The following SH3RF2 variants were observed in gnomAD, a reference collection of about 807,000 sequenced individuals.
SH3RF2 encodes E3 ubiquitin-protein ligase SH3RF2.
In SH3RF2, 43 loss-of-function variants were observed where a neutral mutation model predicts 59.0. The observed-to-expected ratio is 0.73, with a 90% CI of 0.57 to 0.94. SH3RF2 has a LOEUF of 0.94. SH3RF2 is among the 40% of genes least tolerant of loss of function. The probability of loss-of-function intolerance (pLI) is 0.00; values close to 1 mark genes in which losing one functional copy is unlikely to be tolerated. For missense variants in SH3RF2, 930 were observed against 940.1 expected (o/e 0.99, Z 0.14); for synonymous variants, 391 against 391.5 (o/e 1.00, Z 0.01).
chr5:145,961,121 C>T (rs1263273545), intron 2 of SH3RF2, among the ~76,000 whole-genome samples: 2 of 149,870 alleles, frequency 1.3e-5, no homozygotes, highest in East Asian at 1.9e-4. Flanking sequence ...AAATTGATAA[C>T]GTTCTTGAAG....
At chr5:145,967,629 T>C (rs370487241) in intron 2 of SH3RF2, among the ~76,000 whole-genome samples, 2 of 152,172 alleles carry the variant, frequency 1.3e-5, no homozygotes, top group East Asian at 1.9e-4. Flanking sequence ...ACTCCGAAGC[T>C]GAATTTATGG....
At chr5:146,056,787 T>C (rs1452899110) in intron 8 of SH3RF2, among the ~76,000 whole-genome samples, 3 of 152,230 alleles carry the variant, frequency 2.0e-5, no homozygotes, top group Non-Finnish European at 2.9e-5. Flanking sequence ...CTTCCATAGA[T>C]AGACAGATGG....
chr5:145,964,707 G>A (rs2149957054), intron 2 of SH3RF2, among the ~76,000 whole-genome samples: 1 of 152,254 alleles, frequency 6.6e-6, no homozygotes, highest in Middle Eastern at 3.4e-3. Flanking sequence ...AGGTGAGCAG[G>A]CTGTAGAGAT....
intron 6 of SH3RF2, among the ~76,000 whole-genome samples, chr5:146,048,357 C>G (rs144562253): frequency 1.3e-5 from 2 of 151,660 alleles, no homozygotes; most frequent in Admixed American, 6.6e-5. Flanking sequence ...CCACATCACT[C>G]TTAGCTCATT....
intron 5 of SH3RF2, among the ~76,000 whole-genome samples, chr5:146,038,983 G>C (rs1467526936): frequency 3.9e-5 from 6 of 152,140 alleles, no homozygotes; most frequent in Non-Finnish European, 7.3e-5. Context: ...TAAACCAATG[G>C]AACATGCTGG....
chr5:145,966,748 G>A lies in SH3RF2; in HGVS notation c.378+28442G>A, dbSNP rs556649483. Among the ~76,000 whole-genome samples, 73 of 152,300 alleles carry A rather than the reference G, an allele frequency of 4.8e-4. 1 individual carries two copies. The South Asian group carries it at 0.012, about 25-fold the overall frequency. On this transcript the variant is annotated intron_variant, in intron 2 of 9. Coordinates refer to ENST00000359120, the MANE Select transcript of SH3RF2 (RefSeq NM_152550.4). ...ATATAATTACTTTATAAGGCTGGGC[G>A]TGGTGATTCATGCCTGTAATCCCAG... is the stretch of plus-strand genomic sequence containing the variant.
chr5:145,938,111 G>A lies in SH3RF2; in HGVS notation c.183G>A (p.Glu61=). ...GGACGCCTGTGTTTTCCAACATTGA[G>A]GCGCTGCCGGCCAACCTGCTGCTCG... The part of the protein sequence containing the change: ...ECRTPVFSNI[E]ALPANLLLVR... The change falls in exon 2 of 10, where the codon GAG becomes GAA. Residue 61 remains glutamate (E), a synonymous_variant. Coordinates refer to ENST00000359120, the MANE Select transcript of SH3RF2 (RefSeq NM_152550.4). 1.2e-6 allele frequency: 2 copies of A among 1,614,202 alleles called. No homozygotes were observed. Among genetic ancestry groups the A allele is most frequent in the African/African-American group, 2.7e-5 (2 of 75,062 alleles).
At chr5:145,961,834 C>A (rs2149954414) in intron 2 of SH3RF2, among the ~76,000 whole-genome samples, 1 of 152,262 alleles carries the variant, frequency 6.6e-6, no homozygotes, top group Non-Finnish European at 1.5e-5. Flanking sequence ...ATTCCTCTTC[C>A]AACTGGCTTA....
At chr5:146,004,583 T>C (rs1039246170) in intron 4 of SH3RF2, among the ~76,000 whole-genome samples, 43 of 152,094 alleles carry the variant, frequency 2.8e-4, no homozygotes, top group African/African-American at 1.0e-3. Flanking sequence ...TATTCAACAA[T>C]AAGGAGTTCA....
intron 2 of SH3RF2, among the ~76,000 whole-genome samples, chr5:145,992,682 C>T (rs6895075): frequency 0.038 from 5,738 of 152,136 alleles, 349 homozygotes; most frequent in African/African-American, 0.13. Flanking sequence ...CTTTTTAAAA[C>T]CATCAGATCT....
chr5:146,033,081 T>C (rs1761797321), intron 5 of SH3RF2, among the ~76,000 whole-genome samples: 1 of 152,172 alleles, frequency 6.6e-6, no homozygotes, highest in Non-Finnish European at 1.5e-5. Flanking sequence ...AAGTTACTAA[T>C]CATATGTTTT....
At chr5:146,011,435 A>T (rs1231844907) in intron 4 of SH3RF2, among the ~76,000 whole-genome samples, 1 of 152,204 alleles carries the variant, frequency 6.6e-6, no homozygotes, top group African/African-American at 2.4e-5. Context: ...TGGTAGCTTG[A>T]TGGGGATAGC....
chr5:145,998,075 G>A (rs1760241585), intron 2 of SH3RF2: 5 of 566,008 alleles, frequency 8.8e-6, no homozygotes, highest in African/African-American at 1.9e-5. Context: ...AAATAATGAT[G>A]AAAAAAATCA....
chr5:146,050,526 C>A (rs1162929829), intron 7 of SH3RF2, among the ~76,000 whole-genome samples: 2 of 152,186 alleles, frequency 1.3e-5, no homozygotes, highest in African/African-American at 4.8e-5. Flanking sequence ...AAGAAAAGTT[C>A]TTGAAATTTG....
intron 3 of SH3RF2, among the ~76,000 whole-genome samples, chr5:146,001,596 A>G (rs922704035): frequency 6.6e-6 from 1 of 152,212 alleles, no homozygotes; most frequent in South Asian, 2.1e-4. Flanking sequence ...TGTGCCAGGC[A>G]TTAGACACAC....
intron 9 of SH3RF2, among the ~76,000 whole-genome samples, chr5:146,070,415 G>A (rs1387857526): frequency 3.9e-5 from 6 of 152,172 alleles, no homozygotes; most frequent in Non-Finnish European, 7.3e-5. Flanking sequence ...TAAGATAACT[G>A]AGAGTTTTAT....
chr5:146,043,630 T>A (rs1376887563), intron 5 of SH3RF2: 1 of 152,266 alleles, frequency 6.6e-6, no homozygotes, highest in Admixed American at 6.5e-5. Flanking sequence ...TTGCTATCAA[T>A]CCTGTCTCCC....
downstream of SH3RF2, among the ~76,000 whole-genome samples, chr5:146,066,805 A>C (rs1279836999): frequency 6.6e-6 from 1 of 152,206 alleles, no homozygotes; most frequent in East Asian, 1.9e-4. Flanking sequence ...CAGCCCCTCA[A>C]GTCTGAAGGT....
At chr5:146,046,353 G>T (rs1341643626) in intron 5 of SH3RF2, among the ~76,000 whole-genome samples, 1 of 152,170 alleles carries the variant, frequency 6.6e-6, no homozygotes, top group Non-Finnish European at 1.5e-5. Flanking sequence ...AGGGACATAT[G>T]TATTTAATAA....
Sources: allele counts gnomAD v4.1 joint callset (sites outside exome capture counted in the v4.1 genomes callset), GRCh38; gene constraint gnomAD v4.1.1; transcripts MANE v1.5; gene names NCBI Gene and HGNC (gene_info 2026-07-23, HGNC 2026-07-21).